Variants in GPX2 observed in about 807,000 individuals in gnomAD.
The protein encoded by GPX2 is gastrointestinal glutathione peroxidase.
Under a neutral mutation model 14.1 loss-of-function variants are expected in GPX2, and 21 were observed. The ratio of observed to expected loss-of-function variants is 1.48; its 90% CI spans 1.05 to 2.14. GPX2 has a LOEUF of 2.14. Among genes scored for constraint, GPX2 ranks in the 30% most tolerant of loss-of-function variants. The pLI is 0.00. For synonymous variants in GPX2, 94 were observed against 95.2 expected (o/e 0.99, Z 0.07); for missense variants, 241 against 249.8 (o/e 0.96, Z 0.24).
Position 64,940,442 on chromosome 14 carries a change from A to G in GPX2, c.223-604T>C, listed in dbSNP as rs4902346. Among the ~76,000 whole-genome samples the G allele has an allele frequency of 0.27, 40,283 of 152,010 alleles. 6,107 individuals are homozygous for G. Among genetic ancestry groups the G allele is most frequent in the African/African-American group, 0.41 (16,818 of 41,422 alleles). ...TGAAATTGAGACCCAGAGGAATGGG[A>G]TTTACAGCTTCTTGCTTTCTTCTTG... On this transcript the variant is annotated intron_variant, in intron 1 of 1. Coordinates refer to ENST00000389614, the MANE Select transcript of GPX2 (RefSeq NM_002083.4). The surrounding 1 kb of genome is among the most constrained non-coding windows in gnomAD (Gnocchi z 4.5).
chr14:64,941,284 T>C, intron 1 of GPX2: 8 of 978,990 alleles, frequency 8.2e-6, no homozygotes, highest in Non-Finnish European at 1.0e-5. Context: ...CTCAGGCTAA[T>C]CTTGAACTCC....
In GPX2 at chr14:64,942,608, C is replaced by T; in HGVS notation, c.119G>A (p.Sec40Ter). The change falls in exon 1 of 2, where the codon TGA becomes TAA. Residue 40 changes from selenocysteine (U) to a stop codon, truncating the protein, a stop_gained. Transcript: ENST00000389614. LOFTEE classifies it high-confidence loss of function. ...GGTGAAGTCCCGGGTGGTTGTGCCT[C>T]AGAGCGAAGCCACATTCTCAATCAG... is the stretch of plus-strand genomic sequence containing the variant. ...AVLIENVASL[U>*]GTTTRDFTQL... is the part of the protein sequence containing the mutation. The T allele has an allele frequency of 5.0e-6, 8 of 1,614,188 alleles. No individual in the cohort carries two copies. The highest frequency in any genetic ancestry group is 6.8e-6 in the Non-Finnish European group (8 of 1,180,016).
intron 1 of GPX2, among the ~76,000 whole-genome samples, chr14:64,941,942 G>A (rs1024690026): frequency 2.0e-5 from 3 of 152,172 alleles, no homozygotes; most frequent in African/African-American, 7.2e-5. Context: ...GCTTGCATTT[G>A]CATAGTACTT....
chr14:64,939,337 A>G lies in GPX2; in HGVS notation c.*151T>C. On this transcript the variant is annotated 3_prime_UTR_variant, in exon 2 of 2. Transcript: ENST00000389614. This position sits in a 1 kb window ranked among gnomAD's most constrained non-coding sequence, Gnocchi z 5.7. ...CAGAGGGTTGGGAGAGGAAAAGGAA[A>G]CAGGCAGAGGGGAAAGGCAAGGCTC... is the stretch of plus-strand genomic sequence containing the variant. The G allele has an allele frequency of 1.4e-6, 1 of 692,336 alleles. No homozygotes were observed. The highest frequency in any genetic ancestry group is 2.5e-5 in the East Asian group (1 of 39,930). The allele number at this position is 692,336 out of a possible 1,614,324, so 42.9% of individuals were successfully genotyped here.
intron 1 of GPX2, among the ~76,000 whole-genome samples, chr14:64,941,726 CAT>C (rs1441987067): frequency 6.6e-6 from 1 of 152,164 alleles, no homozygotes; most frequent in Non-Finnish European, 1.5e-5. Context: ...ACGTTAAAAT[CAT>C]AGGTGGAAAT....
intron 1 of GPX2, among the ~76,000 whole-genome samples, chr14:64,941,933 C>T (rs1336034391): frequency 1.3e-5 from 2 of 152,210 alleles, no homozygotes; most frequent in South Asian, 2.1e-4. Context: ...TAACAGTTTG[C>T]TTGCATTTGC....
At position 64,939,801 on chromosome 14, in the gene GPX2, T is replaced by C. The variant is rs763812552; in HGVS notation, c.260A>G (p.Lys87Arg). The C allele has an allele frequency of 4.3e-6, 7 of 1,614,024 alleles. No individual in the cohort carries two copies. Among genetic ancestry groups the C allele is most frequent in the African/African-American group, 4.0e-5 (3 of 74,886 alleles). ...CQNEEILNSL[K>R]YVRPGGGYQP... ...GTATCCACCCCCAGGACGGACATAC[T>C]TGAGACTGTTCAGGATCTCCTCATT... The change falls in exon 2 of 2, where the codon AAG (lysine) becomes AGG (arginine). Residue 87 changes from lysine (K) to arginine (R), a missense_variant. Transcript: ENST00000389614. The surrounding 1 kb of genome is among the most constrained non-coding windows in gnomAD (Gnocchi z 5.7).
chr14:64,942,491 G>A lies in GPX2; in HGVS notation c.222+14C>T, dbSNP rs2139947653. The A allele has an allele frequency of 1.9e-6, 3 of 1,609,156 alleles. No individual in the cohort carries two copies. Among genetic ancestry groups the A allele is most frequent in the African/African-American group, 2.7e-5 (2 of 74,952 alleles). ...CCCAACACTTTTGGTGCATTACAAGGAGGGACCCCTCACCTGATGTCCAAA... is the reference window on the plus strand; with the variant it reads ...CCCAACACTTTTGGTGCATTACAAGAAGGGACCCCTCACCTGATGTCCAAA... On this transcript the variant is annotated intron_variant, in intron 1 of 1. Coordinates refer to ENST00000389614, the MANE Select transcript of GPX2 (RefSeq NM_002083.4).
In GPX2 at chr14:64,942,599, G is replaced by T; in HGVS notation, c.128C>A (p.Thr43Asn). The change falls in exon 1 of 2, where the codon ACC (threonine) becomes AAC (asparagine). Residue 43 changes from threonine to asparagine, a missense_variant. Thr to Asn is a moderately conservative substitution (Grantham distance 65). Transcript: ENST00000389614. Reference sequence around the variant, plus strand: ...GTTGAGCTGGGTGAAGTCCCGGGTGGTTGTGCCTCAGAGCGAAGCCACATT... The same window carrying T: ...GTTGAGCTGGGTGAAGTCCCGGGTGTTTGTGCCTCAGAGCGAAGCCACATT... ...IENVASLUGT[T>N]TRDFTQLNEL... The T allele has an allele frequency of 6.2e-7, 1 of 1,614,220 alleles. No homozygotes were observed.
At position 64,939,869 on chromosome 14, in the gene GPX2, CAGTG is replaced by C. The variant is rs767654581; in HGVS notation, c.223-35_223-32del. 5.6e-6 allele frequency: 9 copies of C among 1,604,484 alleles called. No individual in the cohort carries two copies. The highest frequency in any genetic ancestry group is 4.4e-5 in the South Asian group (4 of 90,114). On this transcript the variant is annotated intron_variant, in intron 1 of 1. Transcript: ENST00000389614. This position sits in a 1 kb window ranked among gnomAD's most constrained non-coding sequence, Gnocchi z 5.7. ...GGAGGAAAAAGACAAAGTGCGTGGA[CAGTG>C]GGTGGGGGAAGAGAAAGATCCACAA...
chr14:64,942,614 G>T lies in GPX2; in HGVS notation c.113C>A (p.Ser38Ter). 1 of 1,614,152 alleles carries T rather than the reference G, an allele frequency of 6.2e-7. No individual in the cohort carries two copies. Among genetic ancestry groups the T allele is most frequent in the East Asian group, 2.2e-5 (1 of 44,876 alleles). The change falls in exon 1 of 2, where the codon TCG becomes TAG. Residue 38 changes from serine to a stop codon, truncating the protein, a stop_gained. Coordinates refer to ENST00000389614, the MANE Select transcript of GPX2 (RefSeq NM_002083.4). LOFTEE classifies it high-confidence loss of function. Reference protein sequence around the residue: ...GRAVLIENVASLUGTTTRDFT... With the variant: ...GRAVLIENVA ...GTCCCGGGTGGTTGTGCCTCAGAGC[G>T]AAGCCACATTCTCAATCAGCACGGC... is the stretch of plus-strand genomic sequence containing the variant.
rs552381624 is a variant in GPX2 at position 64,942,067 on chromosome 14, C to T, written c.222+438G>A. On this transcript the variant is annotated intron_variant, in intron 1 of 1. Coordinates refer to ENST00000389614, the MANE Select transcript of GPX2 (RefSeq NM_002083.4). ...GAGGAAACTAAACCGAAAAATGAAG[C>T]GCCCTTTCCGAGGGCACAGAGCCAT... 4.6e-5 allele frequency among the ~76,000 whole-genome samples: 7 copies of T among 152,298 alleles called. No individual in the cohort carries two copies. The East Asian group carries it at 7.7e-4, about 17-fold the overall frequency.
In GPX2 at chr14:64,940,537, T is replaced by A. The variant is rs1885575991; in HGVS notation, c.223-699A>T. 6.6e-6 allele frequency among the ~76,000 whole-genome samples: 1 copy of A among 152,152 alleles called. No homozygotes were observed. The highest frequency in any genetic ancestry group is 1.5e-5 in the Non-Finnish European group (1 of 68,028). On this transcript the variant is annotated intron_variant, in intron 1 of 1. Coordinates refer to ENST00000389614, the MANE Select transcript of GPX2 (RefSeq NM_002083.4). The surrounding 1 kb of genome is among the most constrained non-coding windows in gnomAD (Gnocchi z 4.5). ...AGGAAGACCCCCATCCAAGAACATC[T>A]AGTTTTCAGGTGCCATAACAGCAGA...
intron 1 of GPX2, among the ~76,000 whole-genome samples, chr14:64,941,042 A>G (rs1340910273): frequency 6.6e-6 from 1 of 152,054 alleles, no homozygotes; most frequent in Non-Finnish European, 1.5e-5. Context: ...CCCAGAGCTG[A>G]TCTCTAGTGG....
At chr14:64,941,396 G>C (rs17883875) in intron 1 of GPX2, 13,492 of 1,284,550 alleles carry the variant, frequency 0.011, 127 homozygotes, top group Non-Finnish European at 0.012. Context: ...ACAAATGGCT[G>C]GCTGGCTCCT....
rs1214612326 is a variant in GPX2, at chr14:64,940,164, C to G, written c.223-326G>C. The G allele has an allele frequency of 1.5e-6, 2 of 1,339,652 alleles. No individual in the cohort carries two copies. Among genetic ancestry groups the G allele is most frequent in the Non-Finnish European group, 2.0e-6 (2 of 1,022,472 alleles). The allele number at this position is 1,339,652 out of a possible 1,614,324, so 83.0% of individuals were successfully genotyped here. A position where few individuals can be genotyped will look rare whatever the true frequency, so the allele number is the denominator to read the frequency against. On this transcript the variant is annotated intron_variant, in intron 1 of 1. Coordinates refer to ENST00000389614, the MANE Select transcript of GPX2 (RefSeq NM_002083.4). The surrounding 1 kb of genome is among the most constrained non-coding windows in gnomAD (Gnocchi z 4.5). ...CTCTTCAAGATTTAGCACTTCTGAG[C>G]TGTTGCTTTTGTCTCCAGTCTACCC...
chr14:64,939,629 A>G lies in GPX2; in HGVS notation c.432T>C (p.Pro144=). ...TCCAGGCCACATCTGAGCGGCGCAC[A>G]GGGCTCCAAATGATGAGCTTGGGAT... ...MTDPKLIIWS[P]VRRSDVAWNF... The change falls in exon 2 of 2, where the codon CCT becomes CCC. Residue 144 remains proline (P), a synonymous_variant. Transcript: ENST00000389614. The surrounding 1 kb of genome is among the most constrained non-coding windows in gnomAD (Gnocchi z 5.7). 1 of 1,614,178 alleles carries G rather than the reference A, an allele frequency of 6.2e-7. No individual in the cohort carries two copies.
intron 1 of GPX2, 81 bp downstream of exon 1, chr14:64,942,424 G>T: frequency 9.1e-7 from 1 of 1,094,290 alleles, no homozygotes; most frequent in Non-Finnish European, 1.4e-6. Context: ...TCCAAAACAT[G>T]GTCATTCAGC....
Position 64,939,432 on chromosome 14 carries a change from C to T in GPX2, c.*56G>A, listed in dbSNP as rs1885477627. 9 of 1,404,208 alleles carry T rather than the reference C, an allele frequency of 6.4e-6. No individual in the cohort carries two copies. Among genetic ancestry groups the T allele is most frequent in the Non-Finnish European group, 7.9e-6 (8 of 1,006,298 alleles). 87.0% of individuals were successfully genotyped at this position (1,404,208 alleles called of 1,614,324 possible). On this transcript the variant is annotated 3_prime_UTR_variant, in exon 2 of 2. Transcript: ENST00000389614. This position sits in a 1 kb window ranked among gnomAD's most constrained non-coding sequence, Gnocchi z 5.7. ...GTGTCTCCTGAAGGCATGCTGCATC[C>T]TAAGGCTCCTCAGGACTGGATGGAG...
Sources: allele counts gnomAD v4.1 joint callset (sites outside exome capture counted in the v4.1 genomes callset), GRCh38; gene constraint gnomAD v4.1.1; non-coding constraint Gnocchi (gnomAD v3.1); transcripts MANE v1.5; gene names NCBI Gene and HGNC (gene_info 2026-07-23, HGNC 2026-07-21).